PLEKHA5: variants seen among roughly 807,000 people sequenced by gnomAD.
PLEKHA5 encodes the protein pleckstrin homology domain containing A5, also known as pleckstrin homology domain-containing family A member 5.
A neutral mutation model predicts 181.9 loss-of-function variants in PLEKHA5; 55 were observed. The ratio of observed to expected loss-of-function variants is 0.30; its 90% CI spans 0.24 to 0.38. The LOEUF (loss-of-function observed/expected upper bound fraction) is 0.38. Ranked by LOEUF, PLEKHA5 falls within the 10% of genes least tolerant of loss-of-function variation. PLEKHA5 has a pLI of 1.00. For synonymous variants in PLEKHA5, 535 were observed against 529.4 expected (o/e 1.01, Z -0.15); for missense variants, 1,432 against 1,549.5 (o/e 0.92, Z 1.27).
chr12:19,203,451 CCA>C (rs1179886602), intron 3 of PLEKHA5, among the ~76,000 whole-genome samples: 35 of 152,174 alleles, frequency 2.3e-4, no homozygotes, highest in African/African-American at 8.4e-4. Flanking sequence ...TACAAGTTCT[CCA>C]GTCTCCACAC....
At chr12:19,354,526 G>A (rs2094817443) in intron 26 of PLEKHA5, among the ~76,000 whole-genome samples, 2 of 148,552 alleles carry the variant, frequency 1.3e-5, no homozygotes, top group Non-Finnish European at 3.0e-5. Context: ...TCTCGCCTGG[G>A]CTGGAGTGCA....
At chr12:19,296,625 T>C (rs1424453475) in intron 15 of PLEKHA5, among the ~76,000 whole-genome samples, 1 of 152,058 alleles carries the variant, frequency 6.6e-6, no homozygotes, top group South Asian at 2.1e-4. Context: ...AGATCTAACA[T>C]TGGGAGTAGG....
At chr12:19,135,956 T>C (rs1305697736) in intron 3 of PLEKHA5, among the ~76,000 whole-genome samples, 1 of 148,864 alleles carries the variant, frequency 6.7e-6, no homozygotes, top group East Asian at 2.1e-4. Context: ...CACAACACAC[T>C]GCAGCCTTGA....
chr12:19,287,364 G>A (rs773204235), intron 12 of PLEKHA5, 109 bp from the exon 13 acceptor site: 28 of 732,882 alleles, frequency 3.8e-5, no homozygotes, highest in Non-Finnish European at 5.7e-5. Flanking sequence ...AGCACTAATA[G>A]CAATTTTAAA....
At chr12:19,207,766 A>G (rs1036896685) in intron 3 of PLEKHA5, 2 of 152,196 alleles carry the variant, frequency 1.3e-5, no homozygotes, top group African/African-American at 2.4e-5. Flanking sequence ...CATTTCAGTA[A>G]TTGTAACTAT....
At chr12:19,254,415 GAGTT>G (rs1400183189) in intron 4 of PLEKHA5, among the ~76,000 whole-genome samples, 2 of 152,166 alleles carry the variant, frequency 1.3e-5, no homozygotes, top group Non-Finnish European at 2.9e-5. Flanking sequence ...GCTATTCACA[GAGTT>G]AGTTACTGAA....
intron 3 of PLEKHA5, 143 bp downstream of exon 3, chr12:19,132,593 T>C (rs1297884518): frequency 5.4e-6 from 3 of 552,080 alleles, no homozygotes; most frequent in Non-Finnish European, 9.5e-6. Flanking sequence ...TTTTGTATAG[T>C]GTCAGAATTT....
intron 3 of PLEKHA5, among the ~76,000 whole-genome samples, chr12:19,208,419 A>G (rs201558437): frequency 5.3e-5 from 8 of 150,242 alleles, no homozygotes; most frequent in South Asian, 2.1e-4. Context: ...AAAAAAAAAA[A>G]AAGTTCATTT....
chr12:19,325,375 AC>A (rs1267163958), intron 20 of PLEKHA5, among the ~76,000 whole-genome samples: 1 of 150,564 alleles, frequency 6.6e-6, no homozygotes, highest in African/African-American at 2.4e-5. Flanking sequence ...AGAGTGATAC[AC>A]TGTCTCTAAA....
intron 11 of PLEKHA5, among the ~76,000 whole-genome samples, chr12:19,281,577 CA>C (rs200506544): frequency 0.17 from 23,402 of 137,654 alleles, 1,873 homozygotes; most frequent in African/African-American, 0.25. Flanking sequence ...ACACTATCTC[CA>C]AAAAAAAAAA....
At chr12:19,355,519 A>AT (rs1242508526) in intron 26 of PLEKHA5, among the ~76,000 whole-genome samples, 4 of 150,950 alleles carry the variant, frequency 2.6e-5, no homozygotes, top group African/African-American at 2.4e-5. Flanking sequence ...ACTCGGCTAA[A>AT]TTTTTTTTTC....
intron 3 of PLEKHA5, among the ~76,000 whole-genome samples, chr12:19,173,138 C>A (rs1373614774): frequency 6.8e-6 from 1 of 148,138 alleles, no homozygotes; most frequent in East Asian, 2.0e-4. Context: ...ATTCTCCTGC[C>A]TCAGCCTCCC....
chr12:19,359,145 G>T (rs1344019705), intron 27 of PLEKHA5, among the ~76,000 whole-genome samples: 3 of 152,158 alleles, frequency 2.0e-5, no homozygotes, highest in Admixed American at 2.0e-4. Context: ...TCAAGTGCAG[G>T]CATTGCTAAT....
chr12:19,333,699 C>A lies in PLEKHA5; in HGVS notation c.2449-2816C>A, dbSNP rs373522004. Among the ~76,000 whole-genome samples the A allele has an allele frequency of 9.9e-5, 15 of 151,756 alleles. No homozygotes were observed. The South Asian group carries it at 2.7e-3, about 28-fold the overall frequency. ...TCTCGGCTCACTGCAACCTCCACCC[C>A]CCAGGTTCAAGCAATTCTCCTGTCT... On this transcript the variant is annotated intron_variant, in intron 20 of 31. Coordinates refer to ENST00000429027, the MANE Select transcript of PLEKHA5 (RefSeq NM_001256470.2).
Position 19,219,025 on chromosome 12 carries a change from A to G in PLEKHA5, c.228-34915A>G, listed in dbSNP as rs562839831. 1.1e-4 allele frequency among the ~76,000 whole-genome samples: 16 copies of G among 151,748 alleles called. No homozygotes were observed. In the South Asian group the frequency reaches 3.3e-3, roughly 32 times the overall value. ...ACAAATAATTATTATTTATTGAAAA[A>G]GAAACTACAGTTGACCCTTGAACAA... On this transcript the variant is annotated intron_variant, in intron 3 of 31. Transcript: ENST00000429027.
intron 15 of PLEKHA5, among the ~76,000 whole-genome samples, chr12:19,297,592 G>A (rs1479315538): frequency 1.4e-5 from 2 of 142,392 alleles, no homozygotes; most frequent in South Asian, 2.2e-4. Flanking sequence ...ACTGCAGTCC[G>A]CAGTCCGGCC....
chr12:19,302,425 G>A (rs768561947), intron 15 of PLEKHA5, among the ~76,000 whole-genome samples: 1 of 152,106 alleles, frequency 6.6e-6, no homozygotes, highest in Non-Finnish European at 1.5e-5. Context: ...TGCTTTACTG[G>A]TCCTCTGTCG....
intron 30 of PLEKHA5, among the ~76,000 whole-genome samples, chr12:19,367,133 G>A (rs560535659): frequency 8.6e-5 from 13 of 151,594 alleles, no homozygotes; most frequent in African/African-American, 2.4e-4. Flanking sequence ...TGATCAGCGC[G>A]CCTCAACCTC....
chr12:19,270,286 AG>A, intron 10 of PLEKHA5, 81 bp downstream of exon 10: 2 of 686,454 alleles, frequency 2.9e-6, no homozygotes, highest in Non-Finnish European at 4.4e-6. Context: ...TCTAAATCTT[AG>A]AAGAGAGTTT....
Sources: allele counts gnomAD v4.1 joint callset (sites outside exome capture counted in the v4.1 genomes callset), GRCh38; gene constraint gnomAD v4.1.1; transcripts MANE v1.5; gene names NCBI Gene and HGNC (gene_info 2026-07-23, HGNC 2026-07-21).